The following TRPM5 variants were observed in gnomAD, a reference collection of about 807,000 sequenced individuals.
TRPM5 encodes the protein transient receptor potential cation channel subfamily M member 5, also known as MLSN1 and TRP-related.
Under a neutral mutation model 124.9 loss-of-function variants are expected in TRPM5, and 121 were observed. That is an observed-to-expected ratio of 0.97 (90% CI 0.84 to 1.13). The LOEUF (loss-of-function observed/expected upper bound fraction) is 1.13, where lower values mean the gene tolerates loss of function less well. TRPM5 is among the 50% of genes most tolerant of loss of function. TRPM5 has a pLI of 0.00. For synonymous variants in TRPM5, 781 were observed against 700.5 expected (o/e 1.11, Z -1.81); for missense variants, 1,643 against 1,589.1 (o/e 1.03, Z -0.58).
chr11:2,407,694 T>C, intron 19 of TRPM5, 65 bp downstream of exon 24: 1 of 1,577,102 alleles, frequency 6.3e-7, no homozygotes, highest in Non-Finnish European at 8.6e-7. Context: ...GGAGGCGGTG[T>C]TGGGGAATGA....
the TRPM5 span, among the ~76,000 whole-genome samples, chr11:2,443,312 A>G: frequency 3.0e-4 from 46 of 152,132 alleles, no homozygotes; most frequent in Non-Finnish European, 6.0e-4. The surrounding 1 kb of genome is among the most constrained non-coding windows in gnomAD (Gnocchi z 5.0). Context: ...CTGAGGTGGG[A>G]GGGGAAGGCA....
chr11:2,427,729 G>A (rs371676825), upstream of TRPM5, among the ~76,000 whole-genome samples: 4 of 152,346 alleles, frequency 2.6e-5, no homozygotes, highest in South Asian at 4.1e-4. Context: ...GGGGTGGCCC[G>A]GGACCGATGC....
At chr11:2,430,315 C>T in the TRPM5 span, among the ~76,000 whole-genome samples, 1 of 152,230 alleles carries the variant, frequency 6.6e-6, no homozygotes, top group Non-Finnish European at 1.5e-5. Flanking sequence ...AAGAAGGTGA[C>T]TTGCTTCCCC....
chr11:2,414,706 G>C lies in TRPM5; in HGVS notation c.1744+9C>G. The C allele has an allele frequency of 6.5e-7, 1 of 1,530,622 alleles. No homozygotes were observed. The highest frequency in any genetic ancestry group is 8.8e-7 in the Non-Finnish European group (1 of 1,138,534). 94.8% of individuals were successfully genotyped at this position (1,530,622 alleles called of 1,614,324 possible). A position where few individuals can be genotyped will look rare whatever the true frequency, so the allele number is the denominator to read the frequency against. ...CGCGCGGGCCCGGCCCCAGCCGCCG[G>C]TCACTCACCAAGGGCCAGCCGCTCG... On this transcript the variant is annotated intron_variant, in intron 11 of 23. Coordinates refer to ENST00000155858, the Ensembl canonical transcript of TRPM5.
At chr11:2,437,763 T>G in the TRPM5 span, among the ~76,000 whole-genome samples, 5 of 152,118 alleles carry the variant, frequency 3.3e-5, no homozygotes, top group Admixed American at 1.3e-4. The surrounding 1 kb of genome is among the most constrained non-coding windows in gnomAD (Gnocchi z 5.6). Flanking sequence ...CCCAGGCAAC[T>G]GCCCTGGGGT....
chr11:2,434,457 G>T, the TRPM5 span, among the ~76,000 whole-genome samples: 3 of 151,784 alleles, frequency 2.0e-5, no homozygotes, highest in Non-Finnish European at 4.4e-5. Context: ...GTGTGTGTGT[G>T]TGGACACTGT....
At chr11:2,404,905 G>A (rs1358557381) in exon 24 of TRPM5, 4 of 1,563,918 alleles carry the variant, frequency 2.6e-6, no homozygotes, top group East Asian at 2.2e-5. Flanking sequence ...CAGCTGAGGA[G>A]AGGTGGCCCC....
In TRPM5 at chr11:2,405,052, A is replaced by T. The variant is rs1215062145; in HGVS notation, c.3392-9T>A. The T allele has an allele frequency of 6.2e-7, 1 of 1,610,292 alleles. No homozygotes were observed. The highest frequency in any genetic ancestry group is 1.1e-5 in the South Asian group (1 of 90,906). ...GCCACAGTGCTGAGAGCCTGCTGGG[A>T]AGGAAGGCCCCCCTGAGCGGTGGGA... On this transcript the variant is annotated splice_polypyrimidine_tract_variant and intron_variant, in intron 23 of 23. Transcript: ENST00000155858.
chr11:2,414,742 CG>C lies in TRPM5; in HGVS notation c.1716del (p.Glu573ArgfsTer61). ...AGGGCCAGCCGCTCGTATTTCGCCT[CG>C]CGCGTGGCTCGGGCCGCCTCGGCCT... On this transcript the variant is annotated frameshift_variant, in exon 11 of 24. Coordinates refer to ENST00000155858, the Ensembl canonical transcript of TRPM5. LOFTEE classifies it high-confidence loss of function. 6.5e-7 allele frequency: 1 copy of C among 1,545,706 alleles called. No homozygotes were observed.
At chr11:2,409,466 G>A (rs1565007397) in intron 18 of TRPM5, among the ~76,000 whole-genome samples, 1 of 152,218 alleles carries the variant, frequency 6.6e-6, no homozygotes, top group Non-Finnish European at 1.5e-5. Flanking sequence ...CTGGGGCCTG[G>A]AGACCCAGAG....
intron 23 of TRPM5, 121 bp downstream of exon 28, chr11:2,405,406 C>T: frequency 9.3e-7 from 1 of 1,071,332 alleles, no homozygotes; most frequent in Non-Finnish European, 1.4e-6. Flanking sequence ...CAGCCAAGGC[C>T]TCCTGAGACT....
upstream of TRPM5, chr11:2,423,142 C>T: frequency 3.4e-6 from 3 of 890,956 alleles, no homozygotes; most frequent in Non-Finnish European, 5.2e-6. Flanking sequence ...CTGGGAAGCC[C>T]CTCTCCAGCC....
chr11:2,410,819 C>A, intron 18 of TRPM5: 1 of 382,422 alleles, frequency 2.6e-6, no homozygotes, highest in Non-Finnish European at 5.2e-6. Flanking sequence ...CCTTTAGGAG[C>A]GGCCAAATGG....
the TRPM5 span, among the ~76,000 whole-genome samples, chr11:2,440,581 G>C: frequency 5.9e-5 from 9 of 152,106 alleles, no homozygotes; most frequent in Admixed American, 5.9e-4. This position sits in a 1 kb window ranked among gnomAD's most constrained non-coding sequence, Gnocchi z 5.2. Flanking sequence ...CAGGGTCTCT[G>C]TGGAGACGCC....
chr11:2,440,599 C>A, the TRPM5 span, among the ~76,000 whole-genome samples: 1 of 152,152 alleles, frequency 6.6e-6, no homozygotes, highest in Non-Finnish European at 1.5e-5. The surrounding 1 kb of genome is among the most constrained non-coding windows in gnomAD (Gnocchi z 5.2). Context: ...GCCCCTGGGA[C>A]CCTTGCTGAC....
At chr11:2,443,272 G>A in the TRPM5 span, among the ~76,000 whole-genome samples, 2 of 152,172 alleles carry the variant, frequency 1.3e-5, no homozygotes, top group African/African-American at 2.4e-5. The surrounding 1 kb of genome is among the most constrained non-coding windows in gnomAD (Gnocchi z 5.0). Flanking sequence ...TTGTCCAAAC[G>A]CTGCTTATTC....
the TRPM5 span, among the ~76,000 whole-genome samples, chr11:2,441,117 G>A: frequency 6.6e-6 from 1 of 152,210 alleles, no homozygotes; most frequent in East Asian, 1.9e-4. This position sits in a 1 kb window ranked among gnomAD's most constrained non-coding sequence, Gnocchi z 7.2. Flanking sequence ...GCTGGGAGAG[G>A]GTTGCCTTCC....
chr11:2,412,287 T>TCCAGCCGC (rs1209693157), intron 15 of TRPM5, 34 bp from the exon 21 acceptor site: 3 of 1,539,726 alleles, frequency 1.9e-6, no homozygotes, highest in Non-Finnish European at 2.7e-6. Context: ...CTGACAGCTG[T>TCCAGCCGC]CCAGCCGCCC....
At chr11:2,413,960 T>G (rs1850510430) in intron 12 of TRPM5, 101 bp downstream of exon 17, 3 of 1,476,354 alleles carry the variant, frequency 2.0e-6, no homozygotes, top group African/African-American at 1.4e-5. Flanking sequence ...AGGACGGGAG[T>G]GACAGGGCAG....
Sources: allele counts gnomAD v4.1 joint callset (sites outside exome capture counted in the v4.1 genomes callset), GRCh38; gene constraint gnomAD v4.1.1; non-coding constraint Gnocchi (gnomAD v3.1); transcripts MANE v1.5; gene names NCBI Gene and HGNC (gene_info 2026-07-23, HGNC 2026-07-21).